The following MND1 variants were observed in gnomAD, a reference collection of about 807,000 sequenced individuals.
The protein encoded by MND1 is meiotic nuclear divisions 1.
Under a neutral mutation model 35.1 loss-of-function variants are expected in MND1, and 28 were observed. That is an observed-to-expected ratio of 0.80 (90% CI 0.59 to 1.09). The LOEUF (loss-of-function observed/expected upper bound fraction) is 1.09, where lower values mean the gene tolerates loss of function less well. MND1 is among the 50% of genes least tolerant of loss of function. The pLI is 0.00. For synonymous variants in MND1, 69 were observed against 70.5 expected (o/e 0.98, Z 0.11); for missense variants, 213 against 239.6 (o/e 0.89, Z 0.73).
intron 5 of MND1, among the ~76,000 whole-genome samples, chr4:153,395,751 A>G (rs965031484): frequency 1.3e-5 from 2 of 152,184 alleles, no homozygotes; most frequent in African/African-American, 4.8e-5. Flanking sequence ...GAGGCTAAAT[A>G]CTTTGGCAAA....
At chr4:153,380,552 A>G (rs557475655) in intron 4 of MND1, among the ~76,000 whole-genome samples, 44 of 152,328 alleles carry the variant, frequency 2.9e-4, no homozygotes, top group African/African-American at 1.0e-3. Context: ...TGCTCTGGGA[A>G]GGGACCATCC....
chr4:153,369,148 G>A (rs966280170), intron 4 of MND1, among the ~76,000 whole-genome samples: 37 of 152,178 alleles, frequency 2.4e-4, no homozygotes, highest in African/African-American at 8.2e-4. Context: ...TTCTATGATG[G>A]CTTTTGGCCC....
intron 4 of MND1, among the ~76,000 whole-genome samples, chr4:153,370,084 C>G (rs939135839): frequency 2.6e-5 from 4 of 151,882 alleles, no homozygotes; most frequent in African/African-American, 9.7e-5. Context: ...GAGTTCAAGA[C>G]CAGCCTAGCC....
chr4:153,390,674 C>A (rs998327586), intron 4 of MND1, among the ~76,000 whole-genome samples: 3 of 151,958 alleles, frequency 2.0e-5, no homozygotes, highest in Admixed American at 6.6e-5. Context: ...TGACAAAGTT[C>A]ATCTCTACAA....
chr4:153,348,534 G>A (rs933685593), intron 1 of MND1, among the ~76,000 whole-genome samples: 1 of 152,168 alleles, frequency 6.6e-6, no homozygotes, highest in Non-Finnish European at 1.5e-5. Flanking sequence ...GAAAAACAGT[G>A]TTTGAAAGTG....
chr4:153,379,027 G>T (rs535173390), intron 4 of MND1, among the ~76,000 whole-genome samples: 1 of 152,094 alleles, frequency 6.6e-6, no homozygotes, highest in Admixed American at 6.6e-5. Flanking sequence ...GGTGACTCAC[G>T]TCTGTAATCC....
intron 1 of MND1, 67 bp downstream of exon 1, chr4:153,344,807 C>G: frequency 6.3e-7 from 1 of 1,577,644 alleles, no homozygotes; most frequent in Non-Finnish European, 8.6e-7. Context: ...CGCCCCTCGG[C>G]TGCATGTGGA....
At chr4:153,358,678 C>A in intron 4 of MND1, 56 bp downstream of exon 4, 1 of 1,502,064 alleles carries the variant, frequency 6.7e-7, no homozygotes, top group Non-Finnish European at 8.9e-7. Context: ...AGTTGTTTTA[C>A]TTCATCCTCT....
chr4:153,404,489 CT>C (rs1195445723), intron 6 of MND1, among the ~76,000 whole-genome samples: 81 of 136,820 alleles, frequency 5.9e-4, no homozygotes, highest in Admixed American at 6.7e-4. Flanking sequence ...TGTGCACGGC[CT>C]TTTTTTTTTT....
chr4:153,383,527 C>A (rs1728765601), intron 4 of MND1, among the ~76,000 whole-genome samples: 1 of 152,178 alleles, frequency 6.6e-6, no homozygotes, highest in South Asian at 2.1e-4. Flanking sequence ...TCGTTTACCT[C>A]CTCTCTCTTT....
intron 4 of MND1, among the ~76,000 whole-genome samples, chr4:153,372,831 GA>G (rs1773824188): frequency 6.6e-6 from 1 of 152,050 alleles, no homozygotes; most frequent in African/African-American, 2.4e-5. Context: ...TTCAGTGTAT[GA>G]ATATACAACA....
chr4:153,403,063 G>A (rs1729386235), intron 6 of MND1, among the ~76,000 whole-genome samples: 1 of 152,052 alleles, frequency 6.6e-6, no homozygotes, highest in Admixed American at 6.6e-5. Flanking sequence ...TTGAGCCGAG[G>A]AGATCAAGAC....
At chr4:153,354,022 A>G (rs971901644) in intron 2 of MND1, among the ~76,000 whole-genome samples, 1 of 152,212 alleles carries the variant, frequency 6.6e-6, no homozygotes, top group African/African-American at 2.4e-5. Flanking sequence ...GTCCAGCCAC[A>G]GTATTTCTTT....
intron 4 of MND1, among the ~76,000 whole-genome samples, chr4:153,359,882 G>C (rs1773438958): frequency 6.7e-6 from 1 of 149,084 alleles, no homozygotes; most frequent in South Asian, 2.1e-4. Context: ...CTGCCTCCCT[G>C]GTTCAAGTGA....
intron 6 of MND1, among the ~76,000 whole-genome samples, chr4:153,400,674 T>A (rs1003413428): frequency 6.6e-6 from 1 of 152,194 alleles, no homozygotes; most frequent in African/African-American, 2.4e-5. Context: ...GTCGTGCCAC[T>A]ATACTCCAGC....
chr4:153,354,625 C>A (rs1183919709), intron 2 of MND1, among the ~76,000 whole-genome samples: 1 of 152,258 alleles, frequency 6.6e-6, no homozygotes, highest in African/African-American at 2.4e-5. Flanking sequence ...ATCTCAGCCT[C>A]CCATGTATCT....
intron 4 of MND1, among the ~76,000 whole-genome samples, chr4:153,366,182 A>C (rs933444825): frequency 1.3e-5 from 2 of 152,148 alleles, no homozygotes; most frequent in South Asian, 4.1e-4. Context: ...GTATGTGTCA[A>C]ATTTCCCTTT....
intron 4 of MND1, among the ~76,000 whole-genome samples, chr4:153,360,889 G>T (rs925457972): frequency 2.0e-5 from 3 of 152,012 alleles, no homozygotes; most frequent in African/African-American, 7.3e-5. Context: ...ACCCAGTCTG[G>T]AGTGTAGTGT....
At chr4:153,392,997 G>T (rs1325083300) in intron 4 of MND1, among the ~76,000 whole-genome samples, 3 of 152,118 alleles carry the variant, frequency 2.0e-5, no homozygotes, top group Non-Finnish European at 4.4e-5. Flanking sequence ...GTGCACACCT[G>T]CAGTCCCAGC....
Sources: gnomAD v4.1 joint callset for allele counts (sites outside exome capture counted in the v4.1 genomes callset) on GRCh38, gnomAD v4.1.1 for gene constraint, MANE v1.5 for transcripts, NCBI Gene and HGNC (gene_info 2026-07-23, HGNC 2026-07-21) for gene names.